RREB1: variants seen among roughly 807,000 people sequenced by gnomAD.
RREB1 encodes the protein ras responsive element binding protein 1.
Under a neutral mutation model 117.8 loss-of-function variants are expected in RREB1, and 27 were observed. The observed-to-expected ratio is 0.23, with a 90% CI of 0.17 to 0.32. RREB1 has a LOEUF of 0.32. Among genes scored for constraint, RREB1 ranks in the 10% least tolerant of loss-of-function variants. The probability of loss-of-function intolerance (pLI) is 1.00; values close to 1 mark genes in which losing one functional copy is unlikely to be tolerated. For synonymous variants in RREB1, 1,298 were observed against 1,026.7 expected, an observed-to-expected ratio of 1.26 and a Z score of -5.05; for missense variants, 2,577 against 2,378.2, an observed-to-expected ratio of 1.08 and a Z score of -1.74.
Position 7,250,429 on chromosome 6 carries a change from A to G in RREB1, c.*1461A>G, listed in dbSNP as rs1408753193. ...CAAAAAGGCAGGGTTATTTTTACCC[A>G]TGAGCATCCTGTGCAGGCAATAGAC... On this transcript the variant is annotated 3_prime_UTR_variant, in exon 13 of 13. Coordinates refer to ENST00000379938, the MANE Select transcript of RREB1 (RefSeq NM_001003699.4). 1.3e-5 allele frequency: 2 copies of G among 152,134 alleles called. No homozygotes were observed. The highest frequency in any genetic ancestry group is 4.8e-5 in the African/African-American group (2 of 41,416). The allele number at this position is 152,134 out of a possible 1,614,324, so 9.4% of individuals were successfully genotyped here.
At chr6:7,162,880 ACT>A (rs1441172674) in intron 1 of RREB1, among the ~76,000 whole-genome samples, 4 of 151,492 alleles carry the variant, frequency 2.6e-5, no homozygotes, top group African/African-American at 9.7e-5. Flanking sequence ...AGAGGGTCTC[ACT>A]CTGTTGCCTA....
In RREB1 at chr6:7,231,895, C is replaced by T; in HGVS notation, c.3796C>T (p.Leu1266Phe). ...PWASSLQRHM[L>F]THTGQKPFPC... ...GGCCAGCTCCCTACAGAGGCACATG[C>T]TCACACACACTGGTAAGAGGGCCAC... The change falls in exon 10 of 13, where the codon CTC (leucine) becomes TTC (phenylalanine). Residue 1266 changes from leucine to phenylalanine, a missense_variant. Physicochemically the swap from Leu to Phe is conservative, Grantham distance 22. Coordinates refer to ENST00000379938, the MANE Select transcript of RREB1 (RefSeq NM_001003699.4). 1 of 1,598,798 alleles carries T rather than the reference C, an allele frequency of 6.3e-7. No homozygotes were observed.
intron 1 of RREB1, among the ~76,000 whole-genome samples, chr6:7,151,579 A>G (rs1429869060): frequency 1.3e-5 from 2 of 152,208 alleles, no homozygotes; most frequent in Non-Finnish European, 2.9e-5. Flanking sequence ...GATGTTGCAC[A>G]TTGCAGGCAC....
At chr6:7,191,533 A>C (rs566079656) in intron 6 of RREB1, among the ~76,000 whole-genome samples, 1 of 152,224 alleles carries the variant, frequency 6.6e-6, no homozygotes, top group South Asian at 2.1e-4. Flanking sequence ...TAAGTCGAGG[A>C]ATTGCCAAAC....
At chr6:7,114,512 C>T (rs1057086578) in intron 1 of RREB1, among the ~76,000 whole-genome samples, 2 of 151,172 alleles carry the variant, frequency 1.3e-5, no homozygotes, top group African/African-American at 4.9e-5. Context: ...GCCTTTAGTG[C>T]ATAGACCCCA....
In RREB1 at chr6:7,181,654, G is replaced by GA. The variant is rs1764800348; in HGVS notation, c.-42-213dup. ...GAGTCCTGTTGGTAGTGCACACTCA[G>GA]AAAGGAGGCAAGGTTACTTCGTCCT... On this transcript the variant is annotated intron_variant, in intron 3 of 12. Transcript: ENST00000379938. The GA allele has an allele frequency of 4.1e-5, 25 of 603,290 alleles. No homozygotes were observed. The East Asian group carries it at 6.9e-4, about 17-fold the overall frequency. 37.4% of individuals were successfully genotyped at this position (603,290 alleles called of 1,614,324 possible).
chr6:7,165,436 T>A (rs1763885458), intron 1 of RREB1, among the ~76,000 whole-genome samples: 1 of 152,242 alleles, frequency 6.6e-6, no homozygotes, highest in African/African-American at 2.4e-5. Context: ...AAGACATGCC[T>A]CATTTTTATG....
At chr6:7,121,509 AT>A (rs1297461716) in intron 1 of RREB1, among the ~76,000 whole-genome samples, 1 of 152,096 alleles carries the variant, frequency 6.6e-6, no homozygotes, top group East Asian at 1.9e-4. Flanking sequence ...TTACATTAGT[AT>A]TTTGCTTGAC....
chr6:7,244,867 G>A (rs1194793609), intron 11 of RREB1, among the ~76,000 whole-genome samples: 2 of 152,130 alleles, frequency 1.3e-5, no homozygotes, highest in African/African-American at 4.8e-5. Flanking sequence ...CCTCCTGACC[G>A]CCTTGATGGC....
chr6:7,197,927 A>C (rs1721192021), intron 6 of RREB1, among the ~76,000 whole-genome samples: 1 of 152,212 alleles, frequency 6.6e-6, no homozygotes, highest in African/African-American at 2.4e-5. Flanking sequence ...TGAATTTAGC[A>C]TGCTACTCTA....
intron 1 of RREB1, among the ~76,000 whole-genome samples, chr6:7,126,063 A>G (rs922192811): frequency 6.4e-4 from 97 of 152,266 alleles, no homozygotes; most frequent in African/African-American, 2.0e-3. Context: ...GTGCAGTGGC[A>G]CGATCTCGGC....
intron 1 of RREB1, among the ~76,000 whole-genome samples, chr6:7,111,829 G>A (rs1271128070): frequency 6.6e-6 from 1 of 152,186 alleles, no homozygotes; most frequent in Non-Finnish European, 1.5e-5. Flanking sequence ...GGATTTGTGT[G>A]TATAGTACCC....
chr6:7,249,307 T>G lies in RREB1; in HGVS notation c.*339T>G, dbSNP rs1581604627. The G allele has an allele frequency of 1.5e-5, 4 of 264,208 alleles. No homozygotes were observed. The East Asian group carries it at 2.8e-4, about 19-fold the overall frequency. The allele number at this position is 264,208 out of a possible 1,614,324, so 16.4% of individuals were successfully genotyped here. ...TGGAGAGGACCTCTTCATTTGAGCA[T>G]TAGCGTTATTTTGTATTGGTGTGTG... On this transcript the variant is annotated 3_prime_UTR_variant, in exon 13 of 13. Coordinates refer to ENST00000379938, the MANE Select transcript of RREB1 (RefSeq NM_001003699.4).
chr6:7,224,036 A>T (rs1044123163), intron 8 of RREB1, among the ~76,000 whole-genome samples: 6 of 150,790 alleles, frequency 4.0e-5, no homozygotes, highest in Non-Finnish European at 8.9e-5. Flanking sequence ...TGGACAGAAT[A>T]TTTTTTTTTT....
intron 3 of RREB1, chr6:7,181,581 G>C: frequency 1.8e-6 from 1 of 562,194 alleles, no homozygotes; most frequent in Non-Finnish European, 3.1e-6. Context: ...TTCCCACTCT[G>C]CCTAACCCAG....
At chr6:7,248,453 G>A in intron 12 of RREB1, 58 bp from the exon 13 acceptor site, 2 of 1,437,010 alleles carry the variant, frequency 1.4e-6, no homozygotes, top group Non-Finnish European at 1.9e-6. Context: ...TGCAGAGCAG[G>A]GTGCAGTGGG....
rs538134385 is a variant in RREB1, at chr6:7,113,612, A to G, written c.-285+5552A>G. On this transcript the variant is annotated intron_variant, in intron 1 of 12. Coordinates refer to ENST00000379938, the MANE Select transcript of RREB1 (RefSeq NM_001003699.4). ...TGTTAATGAATCAAACTTGGAACCCAGAACTCCTAACTCCAGCCTAGCCCT... is the reference window on the plus strand; with the variant it reads ...TGTTAATGAATCAAACTTGGAACCCGGAACTCCTAACTCCAGCCTAGCCCT... Among the ~76,000 whole-genome samples, 7 of 152,308 alleles carry G rather than the reference A, an allele frequency of 4.6e-5. No individual in the cohort carries two copies. In the East Asian group the frequency reaches 1.3e-3, roughly 29 times the overall value.
chr6:7,207,794 T>G (rs898649848), intron 6 of RREB1, among the ~76,000 whole-genome samples: 1 of 152,204 alleles, frequency 6.6e-6, no homozygotes, highest in Non-Finnish European at 1.5e-5. Flanking sequence ...AACGCAGTAG[T>G]CCTCTTACAC....
chr6:7,227,196 C>T (rs532995567), intron 9 of RREB1, among the ~76,000 whole-genome samples: 53 of 152,024 alleles, frequency 3.5e-4, no homozygotes, highest in Admixed American at 1.2e-3. Context: ...GAGCCATGAT[C>T]GTGCCACTGC....
Sources: allele counts gnomAD v4.1 joint callset (sites outside exome capture counted in the v4.1 genomes callset), GRCh38; gene constraint gnomAD v4.1.1; transcripts MANE v1.5; gene names NCBI Gene and HGNC (gene_info 2026-07-23, HGNC 2026-07-21).